Variants in WASF3 observed in about 807,000 individuals in gnomAD.
WASF3 encodes the protein actin-binding protein WASF3.
In WASF3, 11 loss-of-function variants were observed where a neutral mutation model predicts 46.6. That is an observed-to-expected ratio of 0.24 (90% confidence interval 0.15 to 0.39). WASF3 has a LOEUF of 0.39. WASF3 is among the 10% of genes least tolerant of loss of function. The pLI is 1.00. For missense variants in WASF3, 576 were observed against 669.8 expected (o/e 0.86, Z 1.55); for synonymous variants, 242 against 259.7 (o/e 0.93, Z 0.65).
chr13:26,617,648 AAT>A (rs1881175043), intron 2 of WASF3, among the ~76,000 whole-genome samples: 1 of 152,206 alleles, frequency 6.6e-6, no homozygotes, highest in Admixed American at 6.5e-5. Context: ...TGGAAATATT[AAT>A]AGTTTCTATC....
chr13:26,613,637 G>A (rs9512287), intron 2 of WASF3, among the ~76,000 whole-genome samples: 76,006 of 151,794 alleles, frequency 0.5, 19,231 homozygotes, highest in East Asian at 0.62. Context: ...GGGTGTGGTG[G>A]CATGTGCCTG....
intron 1 of WASF3, among the ~76,000 whole-genome samples, chr13:26,582,344 A>G (rs1880004890): frequency 6.6e-6 from 1 of 151,972 alleles, no homozygotes; most frequent in African/African-American, 2.4e-5. Flanking sequence ...ATTCGGGGAC[A>G]TTTCTTAACT....
chr13:26,652,465 C>A (rs1373138238), intron 3 of WASF3, among the ~76,000 whole-genome samples: 1 of 152,146 alleles, frequency 6.6e-6, no homozygotes, highest in Non-Finnish European at 1.5e-5. Flanking sequence ...AACAAGTGGA[C>A]AGAAAATGTG....
At position 26,679,632 on chromosome 13, in the gene WASF3, G is replaced by A. The variant is rs543383525; in HGVS notation, c.717-1422G>A. On this transcript the variant is annotated intron_variant, in intron 7 of 9. Transcript: ENST00000335327. This position sits in a 1 kb window ranked among gnomAD's most constrained non-coding sequence, Gnocchi z 4.8. ...GTAAGCCAGTGACTCGTAGTCATGC[G>A]CAGAGTCAAGCACACATCATCAGTG... 1.3e-5 allele frequency among the ~76,000 whole-genome samples: 2 copies of A among 152,256 alleles called. No individual in the cohort carries two copies. Among genetic ancestry groups the A allele is most frequent in the African/African-American group, 4.8e-5 (2 of 41,558 alleles).
chr13:26,584,828 C>A (rs551928432), intron 1 of WASF3, among the ~76,000 whole-genome samples: 1 of 152,114 alleles, frequency 6.6e-6, no homozygotes, highest in African/African-American at 2.4e-5. Flanking sequence ...CAGTATTGCC[C>A]TATAGATTGA....
chr13:26,564,560 C>T lies in WASF3; in HGVS notation c.-109+6741C>T, dbSNP rs148970635. ...AGTTCCATTTTAGTTCCTCTCATAGCATCCTCTCATTGAGAGCTGTTATCC... is the reference window on the plus strand; with the variant it reads ...AGTTCCATTTTAGTTCCTCTCATAGTATCCTCTCATTGAGAGCTGTTATCC... On this transcript the variant is annotated intron_variant, in intron 1 of 9. Coordinates refer to ENST00000335327, the MANE Select transcript of WASF3 (RefSeq NM_006646.6). 1.2e-4 allele frequency among the ~76,000 whole-genome samples: 19 copies of T among 152,310 alleles called. No homozygotes were observed. In the East Asian group the frequency reaches 3.7e-3, roughly 29 times the overall value.
At chr13:26,621,921 G>C (rs950433704) in intron 2 of WASF3, among the ~76,000 whole-genome samples, 5 of 152,128 alleles carry the variant, frequency 3.3e-5, no homozygotes, top group Admixed American at 1.3e-4. Flanking sequence ...CCTTCAAAAT[G>C]AGAAGGCCAC....
chr13:26,681,925 A>G (rs1050358554), intron 8 of WASF3, among the ~76,000 whole-genome samples: 1 of 152,084 alleles, frequency 6.6e-6, no homozygotes, highest in Non-Finnish European at 1.5e-5. Flanking sequence ...TGCCCAGGAA[A>G]ATTACCGTGT....
chr13:26,607,649 T>G (rs890635140), intron 1 of WASF3, among the ~76,000 whole-genome samples: 3 of 152,140 alleles, frequency 2.0e-5, no homozygotes, highest in South Asian at 4.2e-4. Flanking sequence ...GTTTTTTTTT[T>G]GAAACAGGGT....
At chr13:26,542,764 C>A in the WASF3 span, among the ~76,000 whole-genome samples, 26 of 152,196 alleles carry the variant, frequency 1.7e-4, no homozygotes, top group African/African-American at 6.3e-4. Context: ...CAGCACTCTG[C>A]GTCACCTCCT....
At chr13:26,685,326 C>T (rs1443263535) in intron 9 of WASF3, among the ~76,000 whole-genome samples, 9 of 152,146 alleles carry the variant, frequency 5.9e-5, no homozygotes, top group South Asian at 2.1e-4. Context: ...CAGCCTGCAG[C>T]GTCCCAGAGA....
At chr13:26,593,714 T>C (rs1477389516) in intron 1 of WASF3, among the ~76,000 whole-genome samples, 3 of 152,246 alleles carry the variant, frequency 2.0e-5, no homozygotes, top group African/African-American at 7.2e-5. Context: ...ACTTAGGTAC[T>C]AGCATATAGT....
At chr13:26,582,081 G>T (rs1463306502) in intron 1 of WASF3, among the ~76,000 whole-genome samples, 1 of 152,190 alleles carries the variant, frequency 6.6e-6, no homozygotes, top group East Asian at 1.9e-4. Flanking sequence ...GCATGAGTCT[G>T]ATTTCTAACT....
At chr13:26,671,828 C>CT in intron 5 of WASF3, 44 bp from the exon 6 acceptor site, 10 of 1,380,258 alleles carry the variant, frequency 7.2e-6, no homozygotes, top group South Asian at 1.3e-5. Flanking sequence ...ATAAAAGTCT[C>CT]TAACAATCTT....
At chr13:26,551,993 G>C in the WASF3 span, among the ~76,000 whole-genome samples, 1 of 152,188 alleles carries the variant, frequency 6.6e-6, no homozygotes, top group African/African-American at 2.4e-5. Flanking sequence ...AACTCAGCTT[G>C]GGTTGTGGGA....
At chr13:26,623,913 C>T (rs1881387097) in intron 2 of WASF3, among the ~76,000 whole-genome samples, 1 of 152,190 alleles carries the variant, frequency 6.6e-6, no homozygotes, top group South Asian at 2.1e-4. Flanking sequence ...GATTTTGATG[C>T]TTGGTGTATC....
chr13:26,675,310 T>C (rs1329543430), intron 6 of WASF3, among the ~76,000 whole-genome samples: 2 of 152,112 alleles, frequency 1.3e-5, no homozygotes, highest in African/African-American at 4.8e-5. Context: ...CATTCTTTTA[T>C]TTCTTTGAGT....
intron 2 of WASF3, among the ~76,000 whole-genome samples, chr13:26,623,782 A>C (rs977157417): frequency 6.6e-6 from 1 of 152,188 alleles, no homozygotes; most frequent in South Asian, 2.1e-4. Flanking sequence ...TCTGGAGAGC[A>C]AGAATGTAAA....
intron 2 of WASF3, among the ~76,000 whole-genome samples, chr13:26,626,744 A>G (rs1352497443): frequency 1.3e-5 from 2 of 152,194 alleles, no homozygotes; most frequent in African/African-American, 4.8e-5. Flanking sequence ...AGACTTTGGA[A>G]CAAAGATTAT....
Sources: allele counts gnomAD v4.1 joint callset (sites outside exome capture counted in the v4.1 genomes callset), GRCh38; gene constraint gnomAD v4.1.1; non-coding constraint Gnocchi (gnomAD v3.1); transcripts MANE v1.5; gene names NCBI Gene and HGNC (gene_info 2026-07-23, HGNC 2026-07-21).